The following PACRG variants were observed in gnomAD, a reference collection of about 807,000 sequenced individuals.
PACRG encodes the protein parkin coregulated, also known as parkin coregulated gene protein.
PACRG carries 29 observed loss-of-function variants against 29.7 expected under a neutral mutation model. The ratio of observed to expected loss-of-function variants is 0.98; its 90% CI spans 0.73 to 1.33. The LOEUF (loss-of-function observed/expected upper bound fraction) is 1.33, where lower values mean the gene tolerates loss of function less well. Among genes scored for constraint, PACRG ranks in the 40% most tolerant of loss-of-function variants. PACRG has a pLI of 0.00. For synonymous variants in PACRG, 116 were observed against 118.7 expected (o/e 0.98, Z 0.15); for missense variants, 279 against 316.2 (o/e 0.88, Z 0.89).
chr6:163,030,641 T>C (rs1807572911), intron 2 of PACRG, among the ~76,000 whole-genome samples: 1 of 152,204 alleles, frequency 6.6e-6, no homozygotes, highest in African/African-American at 2.4e-5. Flanking sequence ...AAAGAATGGC[T>C]ACTCCATAGA....
chr6:163,130,782 G>A (rs1203164021), intron 4 of PACRG, among the ~76,000 whole-genome samples: 1 of 152,156 alleles, frequency 6.6e-6, no homozygotes. Flanking sequence ...CGGGTCCTTT[G>A]CCTGGGGTTG....
intron 2 of PACRG, among the ~76,000 whole-genome samples, chr6:162,973,014 A>C (rs1801656273): frequency 6.6e-6 from 1 of 152,264 alleles, no homozygotes; most frequent in Non-Finnish European, 1.5e-5. Context: ...GAGATAGGTT[A>C]CAAGAGTTCT....
intron 4 of PACRG, among the ~76,000 whole-genome samples, chr6:163,296,630 G>A (rs1213762162): frequency 1.3e-5 from 2 of 152,110 alleles, no homozygotes; most frequent in African/African-American, 2.4e-5. Context: ...AATGTTTGGG[G>A]GCCCAGTGAT....
chr6:162,734,640 G>A (rs1207802170), intron 1 of PACRG, among the ~76,000 whole-genome samples: 1 of 152,086 alleles, frequency 6.6e-6, no homozygotes, highest in African/African-American at 2.4e-5. Flanking sequence ...CTTATGAAAA[G>A]GCAGAGTAGA....
At chr6:163,303,663 G>A (rs1169275714) in intron 4 of PACRG, among the ~76,000 whole-genome samples, 2 of 152,098 alleles carry the variant, frequency 1.3e-5, no homozygotes. Flanking sequence ...GATATTAAAT[G>A]AAAGCACTAT....
intron 4 of PACRG, among the ~76,000 whole-genome samples, chr6:163,305,181 G>C (rs927569802): frequency 6.6e-6 from 1 of 152,216 alleles, no homozygotes; most frequent in South Asian, 2.1e-4. Flanking sequence ...ATTCCAGCAA[G>C]AACTGTTGGA....
intron 4 of PACRG, among the ~76,000 whole-genome samples, chr6:163,192,519 A>AT (rs1410573091): frequency 2.6e-5 from 4 of 152,038 alleles, no homozygotes; most frequent in African/African-American, 7.2e-5. Flanking sequence ...ACATTTAATG[A>AT]TTTTTTCCCC....
At chr6:163,083,373 C>T (rs1813254639) in intron 3 of PACRG, among the ~76,000 whole-genome samples, 1 of 152,340 alleles carries the variant, frequency 6.6e-6, no homozygotes, top group East Asian at 1.9e-4. Flanking sequence ...CGCTTCCAGT[C>T]TTCCTGCTTT....
intron 2 of PACRG, among the ~76,000 whole-genome samples, chr6:162,830,325 T>C (rs1011830765): frequency 6.6e-6 from 1 of 152,174 alleles, no homozygotes; most frequent in African/African-American, 2.4e-5. Context: ...TCACTTCCTG[T>C]GACCCTGACC....
At chr6:163,286,220 A>G (rs1274096610) in intron 4 of PACRG, among the ~76,000 whole-genome samples, 1 of 152,216 alleles carries the variant, frequency 6.6e-6, no homozygotes, top group Non-Finnish European at 1.5e-5. Context: ...CACATCTGTT[A>G]CAATTGGTAT....
intron 4 of PACRG, among the ~76,000 whole-genome samples, chr6:163,186,295 A>G (rs543194717): frequency 4.0e-4 from 61 of 152,242 alleles, no homozygotes; most frequent in Non-Finnish European, 7.6e-4. Flanking sequence ...CCAATGGCAA[A>G]TGGAAGCAAC....
At chr6:163,288,126 G>A (rs949947101) in intron 4 of PACRG, among the ~76,000 whole-genome samples, 10 of 152,212 alleles carry the variant, frequency 6.6e-5, no homozygotes, top group Non-Finnish European at 1.0e-4. Flanking sequence ...AGCTCAGTGA[G>A]ATTCTCAGGT....
At chr6:162,727,274 A>T, upstream of PACRG, 1 of 204,104 alleles carries the variant, frequency 4.9e-6, no homozygotes, top group Non-Finnish European at 9.3e-6. Context: ...ACAACCGGCC[A>T]GTGAGGTGAG....
At chr6:162,897,510 A>C (rs1336384191) in intron 2 of PACRG, among the ~76,000 whole-genome samples, 1 of 152,232 alleles carries the variant, frequency 6.6e-6, no homozygotes, top group African/African-American at 2.4e-5. Flanking sequence ...GGGAGTAGAC[A>C]GTGAATTTAT....
chr6:163,118,974 G>GA (rs1286032599), intron 4 of PACRG, among the ~76,000 whole-genome samples: 4 of 152,138 alleles, frequency 2.6e-5, no homozygotes, highest in African/African-American at 9.7e-5. Context: ...TCCTTTACTT[G>GA]AAAAAGTTCA....
intron 2 of PACRG, among the ~76,000 whole-genome samples, chr6:162,844,260 C>T (rs1389983363): frequency 3.3e-5 from 5 of 152,074 alleles, no homozygotes; most frequent in Admixed American, 6.5e-5. Flanking sequence ...ACTCCGTGGG[C>T]GTAGGACCCT....
intron 1 of PACRG, among the ~76,000 whole-genome samples, chr6:162,731,679 C>A (rs755692684): frequency 6.6e-6 from 1 of 152,038 alleles, no homozygotes; most frequent in Non-Finnish European, 1.5e-5. Flanking sequence ...CACTTCTGGT[C>A]CCAAGCATTT....
chr6:162,867,498 T>G (rs1390135045), intron 2 of PACRG, among the ~76,000 whole-genome samples: 1 of 152,080 alleles, frequency 6.6e-6, no homozygotes, highest in Non-Finnish European at 1.5e-5. Context: ...GTCCCTACCT[T>G]GAAGCCGCTT....
chr6:163,305,129 C>G (rs1045974207), intron 4 of PACRG, among the ~76,000 whole-genome samples: 2 of 152,230 alleles, frequency 1.3e-5, no homozygotes, highest in African/African-American at 4.8e-5. Context: ...GAGCCTTCTG[C>G]ACTTACCAGG....
Sources: allele counts gnomAD v4.1 joint callset (sites outside exome capture counted in the v4.1 genomes callset), GRCh38; gene constraint gnomAD v4.1.1; transcripts MANE v1.5; gene names NCBI Gene and HGNC (gene_info 2026-07-23, HGNC 2026-07-21).